The following DGKB variants were observed in gnomAD, a reference collection of about 807,000 sequenced individuals.
The protein encoded by DGKB is diacylglycerol kinase beta, also known as 90 kDa diacylglycerol kinase.
A neutral mutation model predicts 114.3 loss-of-function variants in DGKB; 67 were observed. The ratio of observed to expected loss-of-function variants is 0.59; its 90% confidence interval spans 0.48 to 0.72. The LOEUF (loss-of-function observed/expected upper bound fraction) is 0.72, where lower values mean the gene tolerates loss of function less well. Among genes scored for constraint, DGKB ranks in the 30% least tolerant of loss-of-function variants. DGKB has a pLI of 0.00. For missense variants in DGKB, 907 were observed against 975.2 expected (o/e 0.93, Z 0.93); for synonymous variants, 398 against 323.1 (o/e 1.23, Z -2.49).
intron 4 of DGKB, among the ~76,000 whole-genome samples, chr7:14,746,330 T>C (rs1217156734): frequency 6.6e-6 from 1 of 151,962 alleles, no homozygotes; most frequent in Non-Finnish European, 1.5e-5. Context: ...TGAGACTCCA[T>C]ATACAAAAAA....
chr7:14,973,325 T>C (rs1012188588), intron 1 of DGKB, among the ~76,000 whole-genome samples: 12 of 151,872 alleles, frequency 7.9e-5, no homozygotes, highest in African/African-American at 2.9e-4. Flanking sequence ...CTCATCTATA[T>C]TGTGTATATT....
intron 13 of DGKB, among the ~76,000 whole-genome samples, chr7:14,658,766 G>A (rs1216529775): frequency 2.0e-5 from 3 of 151,390 alleles, no homozygotes; most frequent in South Asian, 2.1e-4. Flanking sequence ...TAAAAATTAC[G>A]TTTATAAAAC....
intron 2 of DGKB, among the ~76,000 whole-genome samples, chr7:14,817,670 A>AT (rs1844349272): frequency 6.6e-6 from 1 of 152,114 alleles, no homozygotes; most frequent in Non-Finnish European, 1.5e-5. Context: ...ATTAACATAC[A>AT]TTTTTCCTTC....
chr7:14,648,251 C>T lies in DGKB; in HGVS notation c.1135-17983G>A, dbSNP rs369398938. Among the ~76,000 whole-genome samples the T allele has an allele frequency of 4.1e-3, 631 of 152,330 alleles. 4 individuals are homozygous for T. The highest frequency in any genetic ancestry group is 5.9e-3 in the Non-Finnish European group (400 of 68,040). ...TGCAGACTTAAATGTCCCTGTCTGA[C>T]AGCTTTGAAGAGAGCAGTAGTTCTC... is the stretch of plus-strand genomic sequence containing the variant. On this transcript the variant is annotated intron_variant, in intron 13 of 25. Transcript: ENST00000402815.
chr7:14,542,734 T>G (rs1359878864), intron 20 of DGKB, among the ~76,000 whole-genome samples: 3 of 152,208 alleles, frequency 2.0e-5, no homozygotes, highest in Non-Finnish European at 4.4e-5. Context: ...GCCTGAGATT[T>G]TTAACCATGT....
chr7:14,543,313 A>T (rs910829823), intron 20 of DGKB, among the ~76,000 whole-genome samples: 1 of 151,948 alleles, frequency 6.6e-6, no homozygotes, highest in South Asian at 2.1e-4. Context: ...GCATGGTGGC[A>T]TGCGCCTATG....
chr7:14,411,279 G>A (rs932926015), intron 21 of DGKB, among the ~76,000 whole-genome samples: 1 of 152,144 alleles, frequency 6.6e-6, no homozygotes, highest in Non-Finnish European at 1.5e-5. Context: ...TGTATTAAGT[G>A]CACTGTTTAT....
intron 13 of DGKB, among the ~76,000 whole-genome samples, chr7:14,637,730 G>C (rs1353003611): frequency 2.6e-5 from 4 of 151,546 alleles, no homozygotes; most frequent in Non-Finnish European, 3.0e-5. Context: ...AGAAATAATG[G>C]TTCCACTCTG....
intron 13 of DGKB, among the ~76,000 whole-genome samples, chr7:14,671,607 A>G (rs1360995325): frequency 2.6e-5 from 4 of 152,178 alleles, no homozygotes; most frequent in South Asian, 2.1e-4. Context: ...TTGAATTTAT[A>G]TAACTAGAGG....
intron 20 of DGKB, among the ~76,000 whole-genome samples, chr7:14,565,113 C>T (rs1011626717): frequency 4.6e-5 from 7 of 152,122 alleles, no homozygotes; most frequent in Non-Finnish European, 7.4e-5. Context: ...GCTAATGACA[C>T]ATTAGCAAGC....
intron 21 of DGKB, among the ~76,000 whole-genome samples, chr7:14,385,244 G>A (rs1563072706): frequency 6.6e-6 from 1 of 152,024 alleles, no homozygotes; most frequent in Non-Finnish European, 1.5e-5. Flanking sequence ...GAATTCCATG[G>A]CCAAAAGTAC....
At chr7:14,194,408 C>T (rs1784735262) in intron 23 of DGKB, among the ~76,000 whole-genome samples, 1 of 152,064 alleles carries the variant, frequency 6.6e-6, no homozygotes, top group Admixed American at 6.6e-5. Flanking sequence ...CATGGATGAA[C>T]CTGGAGGACA....
chr7:14,176,577 T>C (rs897315119), intron 25 of DGKB: 2 of 1,149,206 alleles, frequency 1.7e-6, no homozygotes, highest in Non-Finnish European at 2.2e-6. Context: ...ATAATTGATC[T>C]ATGGTTTATA....
chr7:14,661,851 T>C (rs1817157356), intron 13 of DGKB, among the ~76,000 whole-genome samples: 1 of 152,128 alleles, frequency 6.6e-6, no homozygotes, highest in Non-Finnish European at 1.5e-5. Context: ...GTGGCGCATA[T>C]ACACCATGGA....
intron 20 of DGKB, among the ~76,000 whole-genome samples, chr7:14,524,660 G>A (rs1295322417): frequency 1.3e-5 from 2 of 151,736 alleles, no homozygotes; most frequent in Non-Finnish European, 2.9e-5. Context: ...GGAGGCTGAG[G>A]TGGTAGAATC....
At chr7:14,757,419 C>T (rs143391273) in intron 3 of DGKB, among the ~76,000 whole-genome samples, 110 of 151,994 alleles carry the variant, frequency 7.2e-4, no homozygotes, top group African/African-American at 2.5e-3. Flanking sequence ...AATAGCACTG[C>T]ATTATGAACT....
At chr7:14,408,565 C>A (rs566332009) in intron 21 of DGKB, among the ~76,000 whole-genome samples, 6 of 152,252 alleles carry the variant, frequency 3.9e-5, no homozygotes, top group Non-Finnish European at 7.4e-5. Flanking sequence ...CATTTAACAA[C>A]CTTCCAAATA....
rs189530502 is a variant in DGKB at position 14,441,156 on chromosome 7, G to A, written c.1835+37005C>T. Among the ~76,000 whole-genome samples the A allele has an allele frequency of 3.7e-4, 56 of 152,028 alleles. No homozygotes were observed. The East Asian group carries it at 0.01, about 27-fold the overall frequency. On this transcript the variant is annotated intron_variant, in intron 21 of 25. Coordinates refer to ENST00000402815, the MANE Select transcript of DGKB (RefSeq NM_001350709.2). The stretch of plus-strand genomic sequence containing the variant: ...CTCTAGCGGCTGGGATTACAGGTGT[G>A]CACAAACACACCCAGCTAATTTTTT...
At chr7:14,887,272 C>G (rs1330013882) in intron 1 of DGKB, among the ~76,000 whole-genome samples, 4 of 151,846 alleles carry the variant, frequency 2.6e-5, no homozygotes, top group African/African-American at 9.7e-5. Context: ...CTGCAATCAT[C>G]TTGCTGATCT....
Sources: gnomAD v4.1 joint callset for allele counts (sites outside exome capture counted in the v4.1 genomes callset) on GRCh38, gnomAD v4.1.1 for gene constraint, MANE v1.5 for transcripts, NCBI Gene and HGNC (gene_info 2026-07-23, HGNC 2026-07-21) for gene names.